The following INO80 variants were observed in gnomAD, a reference collection of about 807,000 sequenced individuals.
INO80 encodes the protein INO80 complex ATPase subunit, also known as chromatin-remodeling ATPase INO80.
In INO80, 20 loss-of-function variants were observed where a neutral mutation model predicts 203.4. The ratio of observed to expected loss-of-function variants is 0.10; its 90% CI spans 0.07 to 0.14. The LOEUF is 0.14. Among genes scored for constraint, INO80 ranks in the 10% least tolerant of loss-of-function variants. The pLI is 1.00. For synonymous variants in INO80, 726 were observed against 685.2 expected (o/e 1.06, Z -0.93); for missense variants, 1,419 against 1,914.4 (o/e 0.74, Z 4.83).
At position 41,050,073 on chromosome 15, in the gene INO80, G is replaced by A; in HGVS notation, c.2304C>T (p.Thr768=). 3 of 1,612,932 alleles carry A rather than the reference G, an allele frequency of 1.9e-6. No individual in the cohort carries two copies. Among genetic ancestry groups the A allele is most frequent in the South Asian group, 2.2e-5 (2 of 91,024 alleles). Residue 768 remains threonine (T), a synonymous_variant, in exon 20 of 36, where the codon ACC becomes ACT. Coordinates refer to ENST00000648947, the MANE Select transcript of INO80 (RefSeq NM_017553.3). ...CCTGATATAGCAGCTTCTGTCGGCT[G>A]GTCAGTTGGCAATACATTAGAATCT... is the stretch of plus-strand genomic sequence containing the variant. ...KIEILMYCQL[T]SRQKLLYQAL...
At chr15:41,074,691 T>C in intron 9 of INO80, 126 bp from the exon 10 acceptor site, 1 of 643,870 alleles carries the variant, frequency 1.6e-6, no homozygotes, top group Non-Finnish European at 2.6e-6. Flanking sequence ...AATGTAAACA[T>C]CACTGATAAA....
chr15:41,089,049 G>A (rs1379250057), intron 5 of INO80, among the ~76,000 whole-genome samples: 1 of 152,108 alleles, frequency 6.6e-6, no homozygotes, highest in Admixed American at 6.6e-5. Flanking sequence ...AATTAGCCAG[G>A]CATGGTGGCA....
intron 19 of INO80, among the ~76,000 whole-genome samples, chr15:41,052,814 C>T (rs1261070144): frequency 2.2e-5 from 3 of 138,162 alleles, no homozygotes; most frequent in African/African-American, 8.4e-5. Flanking sequence ...CCTTTGAACT[C>T]AGTTTGAGAC....
chr15:40,980,499 G>A, intron 35 of INO80, 59 bp from the exon 36 acceptor site: 1 of 1,331,398 alleles, frequency 7.5e-7, no homozygotes, highest in Non-Finnish European at 1.1e-6. Context: ...CTTCCTTGGA[G>A]CCTGTGGCCT....
In INO80 at chr15:41,031,933, C is replaced by CACAGCACAGCACAGCACAGGACAGG. The variant is rs1566919459; in HGVS notation, c.2908-4198_2908-4197insCCTGTCCTGTGCTGTGCTGTGCTGT. 1.7e-3 allele frequency among the ~76,000 whole-genome samples: 126 copies of CACAGCACAGCACAGCACAGGACAGG among 73,480 alleles called. 8 individuals are homozygous for CACAGCACAGCACAGCACAGGACAGG. The highest frequency in any genetic ancestry group is 4.6e-3 in the African/African-American group (120 of 26,352). The allele number at this position is 73,480 out of a possible 152,430, so 48.2% of individuals were successfully genotyped here. A position where few individuals can be genotyped will look rare whatever the true frequency, so the allele number is the denominator to read the frequency against. On this transcript the variant is annotated intron_variant, in intron 24 of 35. Coordinates refer to ENST00000648947, the MANE Select transcript of INO80 (RefSeq NM_017553.3). ...CTTGCCACAGCACAGCACAGCACAG[C>CACAGCACAGCACAGCACAGGACAGG]ACAGCACAGCACAGCACAGCACAGC...
intron 6 of INO80, among the ~76,000 whole-genome samples, chr15:41,086,676 C>T (rs988607141): frequency 3.2e-4 from 48 of 151,224 alleles, no homozygotes; most frequent in African/African-American, 1.1e-3. Context: ...GAAATTAATA[C>T]TTTCAGGGGA....
At chr15:41,045,143 C>T (rs2044733237) in intron 23 of INO80, 68 bp from the exon 24 acceptor site, 1 of 1,209,916 alleles carries the variant, frequency 8.3e-7, no homozygotes, top group African/African-American at 1.5e-5. Context: ...TTCATAGCAG[C>T]AAGGATTGTC....
At chr15:41,080,902 GAA>G (rs769225532) in intron 8 of INO80, 116 bp downstream of exon 8, 4 of 703,082 alleles carry the variant, frequency 5.7e-6, no homozygotes, top group Non-Finnish European at 1.0e-5. Flanking sequence ...ACTCTCTTAC[GAA>G]CTATTAGATT....
At chr15:41,031,602 GGAGGAAGGGAGGAGGGAGGA>G in intron 24 of INO80, among the ~76,000 whole-genome samples, 1 of 5,704 alleles carries the variant, frequency 1.8e-4, no homozygotes. Flanking sequence ...AGGGAGGGAG[GGAGGAAGGGAGGAGGGAGGA>G]AGGGAGGAAG....
At chr15:41,109,547 G>A (rs1380969684) in intron 1 of INO80, among the ~76,000 whole-genome samples, 1 of 151,964 alleles carries the variant, frequency 6.6e-6, no homozygotes, top group African/African-American at 2.4e-5. Context: ...CCGGCACTTT[G>A]GGAGGTTGGG....
At chr15:41,055,588 T>C (rs1312285898) in intron 17 of INO80, among the ~76,000 whole-genome samples, 1 of 152,224 alleles carries the variant, frequency 6.6e-6, no homozygotes, top group African/African-American at 2.4e-5. Flanking sequence ...CTTTTTCAAC[T>C]AATTTCAAAC....
At chr15:41,097,734 A>G (rs1410453285) in intron 1 of INO80, among the ~76,000 whole-genome samples, 2 of 152,116 alleles carry the variant, frequency 1.3e-5, no homozygotes, top group African/African-American at 4.8e-5. Context: ...CCAACCTCCC[A>G]AAGTGCTACG....
chr15:41,047,700 G>A (rs1334883150), intron 22 of INO80, among the ~76,000 whole-genome samples, 199 bp from the exon 23 acceptor site: 1 of 152,124 alleles, frequency 6.6e-6, no homozygotes. Context: ...ATGAGATATG[G>A]CATATATATA....
intron 35 of INO80, among the ~76,000 whole-genome samples, chr15:40,981,456 G>C (rs548300951): frequency 6.6e-6 from 1 of 151,624 alleles, no homozygotes; most frequent in South Asian, 2.1e-4. Context: ...ACTGGGCGAG[G>C]CTATTATACT....
intron 32 of INO80, among the ~76,000 whole-genome samples, chr15:40,984,877 T>C (rs762992009): frequency 6.6e-6 from 1 of 152,180 alleles, no homozygotes; most frequent in African/African-American, 2.4e-5. Context: ...GTTCAAATCC[T>C]TGGTGTGAAC....
intron 1 of INO80, among the ~76,000 whole-genome samples, chr15:41,104,507 T>C (rs1187428889): frequency 6.6e-6 from 1 of 152,066 alleles, no homozygotes; most frequent in African/African-American, 2.4e-5. Context: ...GATTGCTTTG[T>C]ACTCTCTAGT....
At chr15:41,082,422 C>T (rs980115825) in intron 7 of INO80, among the ~76,000 whole-genome samples, 1 of 151,880 alleles carries the variant, frequency 6.6e-6, no homozygotes, top group Non-Finnish European at 1.5e-5. Context: ...AGAATTGGGC[C>T]GGGCGTGGTG....
intron 1 of INO80, among the ~76,000 whole-genome samples, chr15:41,110,763 G>C (rs917793599): frequency 3.3e-5 from 5 of 152,070 alleles, no homozygotes; most frequent in African/African-American, 1.2e-4. Flanking sequence ...TTCCAATTAA[G>C]TAAATGATAT....
intron 21 of INO80, 106 bp downstream of exon 21, chr15:41,049,181 G>T: frequency 1.1e-6 from 1 of 891,900 alleles, no homozygotes; most frequent in Non-Finnish European, 1.7e-6. Flanking sequence ...TTGCTTAAAT[G>T]TCTCATTGCT....
Sources: allele counts gnomAD v4.1 joint callset (sites outside exome capture counted in the v4.1 genomes callset), GRCh38; gene constraint gnomAD v4.1.1; transcripts MANE v1.5; gene names NCBI Gene and HGNC (gene_info 2026-07-23, HGNC 2026-07-21).